TMEM232: variants seen among roughly 807,000 people sequenced by gnomAD.
The protein encoded by TMEM232 is transmembrane protein 232.
In TMEM232, 80 loss-of-function variants were observed where a neutral mutation model predicts 78.8. The ratio of observed to expected loss-of-function variants is 1.01; its 90% confidence interval spans 0.85 to 1.22. TMEM232 has a LOEUF of 1.22. Ranked by LOEUF, TMEM232 falls within the 50% of genes most tolerant of loss-of-function variation. TMEM232 has a pLI of 0.00. For missense variants in TMEM232, 881 were observed against 742.2 expected, an observed-to-expected ratio of 1.19 and a Z score of -2.17; for synonymous variants, 297 against 254.3, an observed-to-expected ratio of 1.17 and a Z score of -1.60.
chr5:110,652,294 G>GCACGCGCACACA lies in TMEM232; in HGVS notation c.126-9924_126-9923insTGTGTGCGCGTG, dbSNP rs1554069162. On this transcript the variant is annotated intron_variant, in intron 2 of 13. Transcript: ENST00000455884. ...CAAGCACACAAAAGTGCACGCGCGC[G>GCACGCGCACACA]CACACACACACACACACACACACAC... Among the ~76,000 whole-genome samples the GCACGCGCACACA allele has an allele frequency of 2.0e-3, 296 of 145,452 alleles. 2 individuals are homozygous for GCACGCGCACACA. The highest frequency in any genetic ancestry group is 7.0e-3 in the African/African-American group (274 of 38,924).
chr5:110,390,608 A>G lies in TMEM232; in HGVS notation n.423T>C, dbSNP rs561379645. On this transcript the variant is annotated non_coding_transcript_exon_variant, in exon 4 of 9. Coordinates refer to the TMEM232 transcript ENST00000507188. ...ATGGGTGATGAGGAGTGGCCAAGAG[A>G]GTAATTGAAATATTCTCTTGTGAGT... 5.9e-5 allele frequency: 9 copies of G among 152,318 alleles called. No individual in the cohort carries two copies. The East Asian group carries it at 1.7e-3, about 29-fold the overall frequency. 9.4% of individuals were successfully genotyped at this position (152,318 alleles called of 1,614,324 possible). A position where few individuals can be genotyped will look rare whatever the true frequency, so the allele number is the denominator to read the frequency against.
At chr5:110,417,409 T>C (rs750410424), downstream of TMEM232, among the ~76,000 whole-genome samples, 7 of 152,156 alleles carry the variant, frequency 4.6e-5, no homozygotes, top group Non-Finnish European at 7.4e-5. Flanking sequence ...ATTTATCTGG[T>C]ACCCAACCCA....
chr5:110,427,102 C>T (rs567782216), intron 12 of TMEM232, among the ~76,000 whole-genome samples: 43 of 151,890 alleles, frequency 2.8e-4, no homozygotes, highest in Middle Eastern at 3.4e-3. Flanking sequence ...AAAGATAACA[C>T]GAGAGAAGTA....
chr5:110,526,208 T>A (rs886430342), intron 12 of TMEM232, among the ~76,000 whole-genome samples: 2 of 150,302 alleles, frequency 1.3e-5, no homozygotes, highest in Non-Finnish European at 3.0e-5. Context: ...CAGAGGAAAA[T>A]TAATAAATAC....
chr5:110,590,909 AACTC>A lies in TMEM232; in HGVS notation c.1276+14196_1276+14199del, dbSNP rs1349388896. On this transcript the variant is annotated intron_variant, in intron 10 of 13. Coordinates refer to ENST00000455884, the MANE Select transcript of TMEM232 (RefSeq NM_001039763.4). The stretch of plus-strand genomic sequence containing the variant: ...ATATAAAACCATCAGATCTCGTGAG[AACTC>A]ACTCACTATCACGAGAACAGCATGA... Among the ~76,000 whole-genome samples the A allele has an allele frequency of 4.6e-5, 7 of 152,204 alleles. No individual in the cohort carries two copies. The South Asian group carries it at 8.3e-4, about 18-fold the overall frequency.
intron 10 of TMEM232, among the ~76,000 whole-genome samples, chr5:110,597,310 C>T (rs10478016): frequency 0.019 from 2,842 of 152,004 alleles, 101 homozygotes; most frequent in African/African-American, 0.065. Context: ...TTACAAGGGA[C>T]GTGAAGGACC....
intron 1 of TMEM232, among the ~76,000 whole-genome samples, chr5:110,671,361 T>C (rs11747153): frequency 0.99 from 151,216 of 152,288 alleles, 75,092 homozygotes; most frequent in Non-Finnish European, 1. Flanking sequence ...GGATCTAGAA[T>C]CAGAAATACC....
chr5:110,594,308 C>G (rs1297612634), intron 10 of TMEM232, among the ~76,000 whole-genome samples: 2 of 152,122 alleles, frequency 1.3e-5, no homozygotes, highest in South Asian at 4.1e-4. Flanking sequence ...TTTTTGCAAC[C>G]CACAGACCAG....
upstream of TMEM232, chr5:110,738,907 C>T: frequency 7.6e-7 from 1 of 1,317,580 alleles, no homozygotes; most frequent in Non-Finnish European, 1.0e-6. Flanking sequence ...CAGGTTACCG[C>T]CGCGTCTCCC....
chr5:110,415,792 G>A (rs1756182499), downstream of TMEM232, among the ~76,000 whole-genome samples: 1 of 151,960 alleles, frequency 6.6e-6, no homozygotes, highest in African/African-American at 2.4e-5. Context: ...TAACAGTCTG[G>A]CTATGTATTA....
At chr5:110,461,466 A>G (rs1761521460) in intron 12 of TMEM232, among the ~76,000 whole-genome samples, 1 of 152,222 alleles carries the variant, frequency 6.6e-6, no homozygotes, top group Non-Finnish European at 1.5e-5. Flanking sequence ...CCTATATCAT[A>G]ACAGTGCAAG....
At chr5:110,705,859 G>C (rs1489412925) in intron 1 of TMEM232, among the ~76,000 whole-genome samples, 1 of 151,546 alleles carries the variant, frequency 6.6e-6, no homozygotes, top group Non-Finnish European at 1.5e-5. Context: ...TCCCCAAAAT[G>C]TGTGGAATCC....
At chr5:110,608,789 T>C (rs1463101199) in intron 8 of TMEM232, among the ~76,000 whole-genome samples, 2 of 152,052 alleles carry the variant, frequency 1.3e-5, no homozygotes, top group Non-Finnish European at 2.9e-5. Context: ...TCAATGCACA[T>C]AGAAAGGAAT....
intron 2 of TMEM232, among the ~76,000 whole-genome samples, chr5:110,411,297 T>C (rs552635864): frequency 1.3e-5 from 2 of 152,344 alleles, no homozygotes; most frequent in Non-Finnish European, 2.9e-5. Context: ...TATTTTATTT[T>C]CTGTTTTCCA....
At chr5:110,672,090 T>C (rs144851365) in intron 1 of TMEM232, among the ~76,000 whole-genome samples, 115 of 152,326 alleles carry the variant, frequency 7.5e-4, no homozygotes, top group African/African-American at 2.7e-3. Flanking sequence ...GGTTTTCATG[T>C]ACATTATGTT....
intron 8 of TMEM232, among the ~76,000 whole-genome samples, chr5:110,609,937 C>T (rs1406668801): frequency 1.3e-5 from 2 of 151,932 alleles, no homozygotes; most frequent in African/African-American, 4.8e-5. Flanking sequence ...TGATTTCTTA[C>T]AGGAACCAGA....
chr5:110,690,317 G>A (rs748508665), intron 1 of TMEM232, among the ~76,000 whole-genome samples: 13 of 151,120 alleles, frequency 8.6e-5, no homozygotes, highest in African/African-American at 3.1e-4. Context: ...CAAAAAGTGG[G>A]TAAACAGACA....
Position 110,530,556 on chromosome 5 carries a change from G to T in TMEM232, c.1456-1721C>A, listed in dbSNP as rs574951809. Among the ~76,000 whole-genome samples, 28 of 152,240 alleles carry T rather than the reference G, an allele frequency of 1.8e-4. No individual in the cohort carries two copies. In the South Asian group the frequency reaches 5.8e-3, roughly 32 times the overall value. ...ATAGTATTGAGCCATAAAAATAGAA[G>T]AAAATTCTACCATTTGTAACAACAT... is the stretch of plus-strand genomic sequence containing the variant. On this transcript the variant is annotated intron_variant, in intron 11 of 13. Coordinates refer to ENST00000455884, the MANE Select transcript of TMEM232 (RefSeq NM_001039763.4).
intron 10 of TMEM232, among the ~76,000 whole-genome samples, chr5:110,600,943 A>T (rs947443392): frequency 6.6e-6 from 1 of 152,168 alleles, no homozygotes; most frequent in Non-Finnish European, 1.5e-5. Flanking sequence ...GGCAGCACAT[A>T]AAAAGCTGAT....
Sources: allele counts gnomAD v4.1 joint callset (sites outside exome capture counted in the v4.1 genomes callset), GRCh38; gene constraint gnomAD v4.1.1; transcripts MANE v1.5; gene names NCBI Gene and HGNC (gene_info 2026-07-23, HGNC 2026-07-21).